Variants in STXBP4 observed in about 807,000 individuals in gnomAD.
STXBP4 encodes the protein syntaxin-binding protein 4.
STXBP4 carries 55 observed loss-of-function variants against 76.1 expected under a neutral mutation model. That is an observed-to-expected ratio of 0.72 (90% CI 0.58 to 0.91). The LOEUF (loss-of-function observed/expected upper bound fraction) is 0.91, where lower values mean the gene tolerates loss of function less well. STXBP4 is among the 40% of genes least tolerant of loss of function. The pLI, the probability that STXBP4 is intolerant of heterozygous loss-of-function variation, is 0.00. For missense variants in STXBP4, 618 were observed against 636.9 expected, an observed-to-expected ratio of 0.97 and a Z score of 0.32; for synonymous variants, 201 against 220.2, an observed-to-expected ratio of 0.91 and a Z score of 0.77.
intron 17 of STXBP4, among the ~76,000 whole-genome samples, chr17:55,157,326 G>A (rs1380058013): frequency 1.3e-5 from 2 of 152,170 alleles, no homozygotes; most frequent in Non-Finnish European, 2.9e-5. Context: ...ATTTCACCTT[G>A]CAGTGGCATT....
intron 1 of STXBP4, among the ~76,000 whole-genome samples, chr17:54,979,041 T>C (rs1307991678): frequency 2.0e-5 from 3 of 152,190 alleles, no homozygotes; most frequent in East Asian, 1.9e-4. Flanking sequence ...ATGATACTTA[T>C]GAACTAACAG....
chr17:55,062,051 C>G (rs1158335462), intron 12 of STXBP4, among the ~76,000 whole-genome samples: 1 of 151,822 alleles, frequency 6.6e-6, no homozygotes, highest in African/African-American at 2.4e-5. Flanking sequence ...CCTGGGCAAC[C>G]AATCATGACT....
At chr17:55,087,371 C>T (rs1255901848) in intron 16 of STXBP4, among the ~76,000 whole-genome samples, 1 of 152,076 alleles carries the variant, frequency 6.6e-6, no homozygotes, top group Non-Finnish European at 1.5e-5. Context: ...AGTGTTTCCC[C>T]TATTTTTTTC....
downstream of STXBP4, among the ~76,000 whole-genome samples, chr17:55,176,083 CCATT>C (rs1323121552): frequency 2.6e-5 from 4 of 152,260 alleles, no homozygotes; most frequent in African/African-American, 7.2e-5. Context: ...AGTAAACAAA[CCATT>C]CATTTTTTGA....
At chr17:55,208,819 C>T in the STXBP4 span, among the ~76,000 whole-genome samples, 6 of 152,014 alleles carry the variant, frequency 3.9e-5, no homozygotes, top group Non-Finnish European at 5.9e-5. Flanking sequence ...CGGTGACTTA[C>T]GCCTGTAATT....
At chr17:55,017,897 G>A (rs1725010244) in intron 8 of STXBP4, among the ~76,000 whole-genome samples, 1 of 152,198 alleles carries the variant, frequency 6.6e-6, no homozygotes, top group African/African-American at 2.4e-5. Context: ...CAGGTGCCCA[G>A]TATTTTCCTC....
At chr17:55,034,501 T>C in intron 10 of STXBP4, among the ~76,000 whole-genome samples, 1 of 152,146 alleles carries the variant, frequency 6.6e-6, no homozygotes, top group Non-Finnish European at 1.5e-5. Flanking sequence ...CAATTTGATA[T>C]GTGGAGGATA....
rs186698834 is a variant in STXBP4, at chr17:55,003,745, A to T, written c.574+2862A>T. The stretch of plus-strand genomic sequence containing the variant: ...AATCCACATAATATTTAAATGTTTT[A>T]AAAATGATGCTATTATACAGAAATT... On this transcript the variant is annotated intron_variant, in intron 7 of 17. Coordinates refer to ENST00000376352, the MANE Select transcript of STXBP4 (RefSeq NM_178509.6). 1.7e-3 allele frequency among the ~76,000 whole-genome samples: 265 copies of T among 152,356 alleles called. 2 individuals are homozygous for T. Among genetic ancestry groups the T allele is most frequent in the Non-Finnish European group, 3.2e-3 (220 of 68,030 alleles).
chr17:55,186,682 G>A, the STXBP4 span, among the ~76,000 whole-genome samples: 1 of 152,144 alleles, frequency 6.6e-6, no homozygotes, highest in Non-Finnish European at 1.5e-5. Context: ...TGTGGTGCAT[G>A]GTCTTTGGAG....
intron 16 of STXBP4, among the ~76,000 whole-genome samples, chr17:55,129,233 C>CT (rs1027773683): frequency 1.3e-5 from 2 of 151,882 alleles, no homozygotes; most frequent in African/African-American, 4.8e-5. Context: ...TGGCTGGATT[C>CT]TTTTTTTTCT....
At chr17:55,060,004 T>C (rs986815642) in intron 12 of STXBP4, among the ~76,000 whole-genome samples, 5 of 152,086 alleles carry the variant, frequency 3.3e-5, no homozygotes, top group African/African-American at 1.2e-4. Flanking sequence ...AGGGTAAAGA[T>C]GTGTGGATTC....
chr17:55,117,625 G>A (rs767978185), intron 16 of STXBP4, among the ~76,000 whole-genome samples: 10 of 151,288 alleles, frequency 6.6e-5, no homozygotes, highest in African/African-American at 2.4e-4. Flanking sequence ...AATTTCAGCT[G>A]TATCTAAAAT....
intron 13 of STXBP4, among the ~76,000 whole-genome samples, chr17:55,076,500 T>C (rs1310078585): frequency 6.6e-6 from 1 of 152,192 alleles, no homozygotes; most frequent in Non-Finnish European, 1.5e-5. Flanking sequence ...TATCTTTCAC[T>C]GTTTTTATTT....
chr17:54,993,634 T>C (rs956529705), intron 4 of STXBP4, among the ~76,000 whole-genome samples: 1 of 152,228 alleles, frequency 6.6e-6, no homozygotes, highest in African/African-American at 2.4e-5. Flanking sequence ...ATATTCTAAA[T>C]ACTGTTTTAA....
intron 8 of STXBP4, among the ~76,000 whole-genome samples, chr17:55,026,021 TAA>T (rs2144652801): frequency 6.6e-6 from 1 of 152,216 alleles, no homozygotes; most frequent in Non-Finnish European, 1.5e-5. Flanking sequence ...CAATAGCATC[TAA>T]AAGAATAAAA....
intron 8 of STXBP4, among the ~76,000 whole-genome samples, chr17:55,020,210 C>T (rs895108001): frequency 5.3e-5 from 8 of 152,144 alleles, no homozygotes; most frequent in Non-Finnish European, 8.8e-5. Flanking sequence ...TTTGCATCTT[C>T]TTATCTATCT....
chr17:55,036,845 AG>A, intron 10 of STXBP4, among the ~76,000 whole-genome samples: 1 of 152,142 alleles, frequency 6.6e-6, no homozygotes, highest in Non-Finnish European at 1.5e-5. Flanking sequence ...CTTTACTGAC[AG>A]GAAGTTTGAA....
At chr17:55,212,901 C>T in the STXBP4 span, among the ~76,000 whole-genome samples, 2 of 152,176 alleles carry the variant, frequency 1.3e-5, no homozygotes, top group Non-Finnish European at 1.5e-5. Flanking sequence ...CATCTATCCC[C>T]TCTACCACCA....
At chr17:54,968,956 A>C in intron 1 of STXBP4, 141 bp downstream of exon 1, 2 of 299,360 alleles carry the variant, frequency 6.7e-6, no homozygotes, top group Non-Finnish European at 1.3e-5. Flanking sequence ...TCTTTATTTA[A>C]ACTCCACCAG....
Sources: gnomAD v4.1 joint callset for allele counts (sites outside exome capture counted in the v4.1 genomes callset) on GRCh38, gnomAD v4.1.1 for gene constraint, MANE v1.5 for transcripts, NCBI Gene and HGNC (gene_info 2026-07-23, HGNC 2026-07-21) for gene names.